The following BACE2 variants were observed in gnomAD, a reference collection of about 807,000 sequenced individuals.
The protein encoded by BACE2 is beta-secretase 2.
In BACE2, 17 loss-of-function variants were observed where a neutral mutation model predicts 46.2. The observed-to-expected ratio is 0.37, with a 90% confidence interval of 0.25 to 0.55. The LOEUF (loss-of-function observed/expected upper bound fraction) is 0.55. Among genes scored for constraint, BACE2 ranks in the 20% least tolerant of loss-of-function variants. The probability of loss-of-function intolerance (pLI) is 0.82; values close to 1 mark genes in which losing one functional copy is unlikely to be tolerated. For synonymous variants in BACE2, 277 were observed against 295.9 expected, an observed-to-expected ratio of 0.94 and a Z score of 0.66; for missense variants, 595 against 698.1, an observed-to-expected ratio of 0.85 and a Z score of 1.66.
chr21:41,220,958 G>C (rs566782763), intron 1 of BACE2, among the ~76,000 whole-genome samples: 3 of 151,318 alleles, frequency 2.0e-5, no homozygotes, highest in Non-Finnish European at 4.4e-5. Context: ...ACTTTGGGAG[G>C]CTGAGGCGGG....
intron 3 of BACE2, among the ~76,000 whole-genome samples, chr21:41,239,791 TTGTCCTC>T (rs1163826751): frequency 6.1e-4 from 93 of 152,348 alleles, no homozygotes; most frequent in Non-Finnish European, 7.3e-5. Flanking sequence ...CATGAACCTT[TTGTCCTC>T]TGTATCATAG....
At chr21:41,232,191 C>T (rs1049104694) in intron 2 of BACE2, among the ~76,000 whole-genome samples, 4 of 152,106 alleles carry the variant, frequency 2.6e-5, no homozygotes, top group African/African-American at 9.7e-5. Context: ...GCGTATTGGG[C>T]AGGATATTTC....
rs1460019463 is a variant in BACE2 at position 41,278,032 on chromosome 21, T to C, written c.*2408T>C. ...TAGTGACACCCACCTCCTCCAGTTA[T>C]GCAAATTGATGCTTAGCTTGGCAAG... On this transcript the variant is annotated 3_prime_UTR_variant, in exon 9 of 9. Coordinates refer to ENST00000330333, the MANE Select transcript of BACE2 (RefSeq NM_012105.5). The C allele has an allele frequency of 6.6e-6, 1 of 152,244 alleles. No individual in the cohort carries two copies. The highest frequency in any genetic ancestry group is 1.5e-5 in the Non-Finnish European group (1 of 68,046). 9.4% of individuals were successfully genotyped at this position (152,244 alleles called of 1,614,324 possible).
chr21:41,268,338 T>C (rs1300359250), intron 8 of BACE2, among the ~76,000 whole-genome samples: 1 of 152,220 alleles, frequency 6.6e-6, no homozygotes, highest in African/African-American at 2.4e-5. Context: ...CTGCATACAA[T>C]GGCCTCTCAT....
At chr21:41,198,518 C>T (rs8129677) in intron 1 of BACE2, among the ~76,000 whole-genome samples, 43,440 of 152,062 alleles carry the variant, frequency 0.29, 6,681 homozygotes, top group African/African-American at 0.39. Context: ...CAGGGCTTTC[C>T]AGCTGCCTTC....
At chr21:41,179,405 CCAGGGTGAGTGAGGGTGT>C (rs771962967) in intron 1 of BACE2, 7 of 1,279,142 alleles carry the variant, frequency 5.5e-6, no homozygotes, top group Non-Finnish European at 7.1e-6. Context: ...GTGAGGGTGT[CCAGGGTGAGTGAGGGTGT>C]CAGGGTGAGT....
chr21:41,199,622 T>G (rs1409797102), intron 1 of BACE2, among the ~76,000 whole-genome samples: 1 of 152,092 alleles, frequency 6.6e-6, no homozygotes, highest in African/African-American at 2.4e-5. Flanking sequence ...TTCCTTTTCT[T>G]AATTCAGCTC....
At chr21:41,230,824 C>CA (rs1391023010) in intron 2 of BACE2, among the ~76,000 whole-genome samples, 2 of 150,596 alleles carry the variant, frequency 1.3e-5, no homozygotes, top group African/African-American at 2.4e-5. Context: ...TACTATAGAG[C>CA]AAAAAAAGAA....
Position 41,278,864 on chromosome 21 carries a change from C to T in BACE2, c.*3240C>T, listed in dbSNP as rs980931992. ...TGGGAATAAATCGTTGTTCAACAGT[C>T]TGTTCCACAAACAACAGTAATTGAA... is the stretch of plus-strand genomic sequence containing the variant. On this transcript the variant is annotated 3_prime_UTR_variant, in exon 9 of 9. Transcript: ENST00000330333. 2.0e-5 allele frequency: 3 copies of T among 152,178 alleles called. No individual in the cohort carries two copies. The highest frequency in any genetic ancestry group is 7.2e-5 in the African/African-American group (3 of 41,436). The allele number at this position is 152,178 out of a possible 1,614,324, so 9.4% of individuals were successfully genotyped here.
intron 2 of BACE2, among the ~76,000 whole-genome samples, chr21:41,233,994 T>C (rs980855412): frequency 2.0e-5 from 3 of 152,080 alleles, no homozygotes; most frequent in African/African-American, 7.2e-5. Context: ...CCAGACCAGG[T>C]AGTATGGTTT....
In BACE2 at chr21:41,281,200, C is replaced by G. The variant is rs1006320120; in HGVS notation, c.*5576C>G. 3 of 152,216 alleles carry G rather than the reference C, an allele frequency of 2.0e-5. No homozygotes were observed. The highest frequency in any genetic ancestry group is 4.4e-5 in the Non-Finnish European group (3 of 68,034). The allele number at this position is 152,216 out of a possible 1,614,324, so 9.4% of individuals were successfully genotyped here. A position where few individuals can be genotyped will look rare whatever the true frequency, so the allele number is the denominator to read the frequency against. ...TGTGTAAGACCAACCAGATAAAGTC[C>G]AAACTGTGTAGAACACACGTGTGCC... is the stretch of plus-strand genomic sequence containing the variant. On this transcript the variant is annotated 3_prime_UTR_variant, in exon 9 of 9. Coordinates refer to ENST00000330333, the MANE Select transcript of BACE2 (RefSeq NM_012105.5).
chr21:41,264,633 C>T (rs1391284072), intron 8 of BACE2, among the ~76,000 whole-genome samples: 1 of 151,922 alleles, frequency 6.6e-6, no homozygotes, highest in Non-Finnish European at 1.5e-5. Flanking sequence ...TTCAGACAAC[C>T]ATATCTTGTG....
intron 1 of BACE2, chr21:41,183,689 A>C (rs12106434): frequency 0.01 from 1,725 of 167,290 alleles, 24 homozygotes; most frequent in African/African-American, 0.035. Context: ...GCGGCTGCTT[A>C]TCTGCCACTG....
intron 1 of BACE2, among the ~76,000 whole-genome samples, chr21:41,201,653 G>C (rs1365160609): frequency 1.3e-5 from 2 of 152,222 alleles, no homozygotes; most frequent in African/African-American, 4.8e-5. Context: ...GAGCCAAGAG[G>C]CGCAACGCAC....
intron 1 of BACE2, among the ~76,000 whole-genome samples, chr21:41,198,849 T>TTTTA (rs3838112): frequency 0.11 from 15,897 of 140,040 alleles, 966 homozygotes; most frequent in African/African-American, 0.18. Context: ...TCTGTACGCT[T>TTTTA]TTTATTTATT....
chr21:41,169,502 G>C (rs1984523039), intron 1 of BACE2, among the ~76,000 whole-genome samples: 1 of 148,156 alleles, frequency 6.7e-6, no homozygotes, highest in Admixed American at 6.7e-5. Flanking sequence ...CTTTCAAACT[G>C]TCTAATCCAA....
Position 41,275,734 on chromosome 21 carries a change from T to G in BACE2, c.*110T>G. On this transcript the variant is annotated 3_prime_UTR_variant, in exon 9 of 9. Transcript: ENST00000330333. ...CGCTTTCTCCTGTGCCCACCCGTCTTCAATCTCTGTTCTGCTCCCAGATGC... is the reference window on the plus strand; with the variant it reads ...CGCTTTCTCCTGTGCCCACCCGTCTGCAATCTCTGTTCTGCTCCCAGATGC... The G allele has an allele frequency of 7.5e-7, 1 of 1,333,900 alleles. No individual in the cohort carries two copies. Among genetic ancestry groups the G allele is most frequent in the South Asian group, 1.4e-5 (1 of 71,108 alleles). 82.6% of individuals were successfully genotyped at this position (1,333,900 alleles called of 1,614,324 possible).
At chr21:41,241,999 T>G (rs760134415) in intron 4 of BACE2, 52 bp downstream of exon 4, 12 of 1,255,652 alleles carry the variant, frequency 9.6e-6, no homozygotes, top group South Asian at 4.0e-5. Context: ...GGATGGGCTG[T>G]TTTTTTCTGT....
chr21:41,256,362 T>C (rs1295657315), intron 7 of BACE2, among the ~76,000 whole-genome samples: 2 of 152,252 alleles, frequency 1.3e-5, no homozygotes, highest in African/African-American at 4.8e-5. Context: ...GTTCTTGTGA[T>C]AGTTTGCTGA....
Sources: allele counts gnomAD v4.1 joint callset (sites outside exome capture counted in the v4.1 genomes callset), GRCh38; gene constraint gnomAD v4.1.1; transcripts MANE v1.5; gene names NCBI Gene and HGNC (gene_info 2026-07-23, HGNC 2026-07-21).